Variants in HOXA3 observed in about 807,000 individuals in gnomAD.
HOXA3 encodes the protein homeobox A3, also known as homeobox protein Hox-A3.
A neutral mutation model predicts 30.3 loss-of-function variants in HOXA3; 8 were observed. The observed-to-expected ratio is 0.26, with a 90% CI of 0.15 to 0.48. The LOEUF (loss-of-function observed/expected upper bound fraction) is 0.48. Among genes scored for constraint, HOXA3 ranks in the 20% least tolerant of loss-of-function variants. The probability of loss-of-function intolerance (pLI) is 0.99; values close to 1 mark genes in which losing one functional copy is unlikely to be tolerated. For missense variants in HOXA3, 653 were observed against 614.4 expected (o/e 1.06, Z -0.66); for synonymous variants, 323 against 273.1 (o/e 1.18, Z -1.80).
intron 4 of HOXA3, among the ~76,000 whole-genome samples, chr7:27,115,181 A>G (rs1447785988): frequency 6.6e-6 from 1 of 151,942 alleles, no homozygotes; most frequent in Non-Finnish European, 1.5e-5. Context: ...GTCACCTTAG[A>G]GCAAAAACAA....
intron 4 of HOXA3, chr7:27,121,026 G>A (rs968594402): frequency 2.6e-5 from 4 of 152,256 alleles, no homozygotes; most frequent in Non-Finnish European, 4.4e-5. Flanking sequence ...AAGCTGGCTT[G>A]GAAAAAGCAG....
intron 1 of HOXA3, chr7:27,142,164 G>T: frequency 6.6e-7 from 1 of 1,504,138 alleles, no homozygotes; most frequent in Non-Finnish European, 8.9e-7. Context: ...TGGGTCATGA[G>T]CAGGGAACCC....
At chr7:27,122,774 A>G (rs1785083687) in intron 3 of HOXA3, 132 bp from the exon 4 acceptor site, 1 of 152,242 alleles carries the variant, frequency 6.6e-6, no homozygotes, top group South Asian at 2.1e-4. Flanking sequence ...GGGAGTCACC[A>G]GGGCACTCGT....
chr7:27,119,574 G>A (rs1179319660), intron 4 of HOXA3: 1 of 152,162 alleles, frequency 6.6e-6, no homozygotes, highest in East Asian at 1.9e-4. Context: ...GAACTTCTGA[G>A]AGTGCTCTGA....
At chr7:27,127,179 G>A (rs759104475) in intron 2 of HOXA3, 109 bp from the exon 3 acceptor site, 5 of 152,166 alleles carry the variant, frequency 3.3e-5, no homozygotes, top group Non-Finnish European at 7.4e-5. Context: ...TGTAGTAGGG[G>A]GAGGGTTAAT....
intron 4 of HOXA3, among the ~76,000 whole-genome samples, chr7:27,110,981 G>C (rs555323386): frequency 6.9e-6 from 1 of 144,960 alleles, no homozygotes; most frequent in African/African-American, 2.4e-5. Flanking sequence ...GGATTTTCCG[G>C]GGAGAAGGAG....
chr7:27,143,238 T>C (rs776457173), intron 1 of HOXA3: 1 of 1,609,488 alleles, frequency 6.2e-7, no homozygotes, highest in African/African-American at 1.3e-5. Context: ...CCGCTGGAGT[T>C]GCTTAGGGAG....
Position 27,107,887 on chromosome 7 carries a change from C to A in HOXA3, c.*28G>T. 4.5e-6 allele frequency: 6 copies of A among 1,344,368 alleles called. No homozygotes were observed. Among genetic ancestry groups the A allele is most frequent in the Non-Finnish European group, 6.1e-6 (6 of 986,110 alleles). The allele number at this position is 1,344,368 out of a possible 1,614,324, so 83.3% of individuals were successfully genotyped here. ...GAAAAAAGGTGGGTGGGGGGAGACT[C>A]TCCTGGCGCGTAGCCCCAAGCCCAC... On this transcript the variant is annotated 3_prime_UTR_variant, in exon 6 of 6. Coordinates refer to ENST00000612286, the MANE Select transcript of HOXA3 (RefSeq NM_153631.3).
chr7:27,126,361 G>T (rs913912173), intron 3 of HOXA3, among the ~76,000 whole-genome samples: 1 of 151,920 alleles, frequency 6.6e-6, no homozygotes, highest in African/African-American at 2.4e-5. Flanking sequence ...TATGTGTAAG[G>T]CTCATTTTGG....
intron 4 of HOXA3, chr7:27,116,587 G>C (rs973594220): frequency 3.9e-5 from 6 of 152,156 alleles, no homozygotes; most frequent in Admixed American, 6.5e-5. Context: ...ATGCTTTTAT[G>C]TAGAACCAGA....
intron 4 of HOXA3, among the ~76,000 whole-genome samples, chr7:27,119,147 A>ACCC (rs35394199): frequency 3.7e-5 from 4 of 107,192 alleles, no homozygotes; most frequent in African/African-American, 7.1e-5. Flanking sequence ...TCTGCAAGAG[A>ACCC]CCCCCCCCCC....
intron 4 of HOXA3, chr7:27,121,220 C>CATGTGT (rs1554337533): frequency 2.9e-5 from 4 of 137,846 alleles, no homozygotes; most frequent in Non-Finnish European, 6.2e-5. Context: ...CCACTGTGTG[C>CATGTGT]GTGTGTGTGT....
intron 1 of HOXA3, among the ~76,000 whole-genome samples, chr7:27,144,886 C>T (rs1279258266): frequency 6.6e-6 from 1 of 152,222 alleles, no homozygotes; most frequent in Non-Finnish European, 1.5e-5. Flanking sequence ...CCCTGGGCCC[C>T]TCGTTGGGTC....
intron 4 of HOXA3, among the ~76,000 whole-genome samples, chr7:27,114,182 C>A (rs1784547176): frequency 6.6e-6 from 1 of 151,692 alleles, no homozygotes; most frequent in Non-Finnish European, 1.5e-5. Context: ...GGAGGGCAGC[C>A]TCCCCCCACC....
rs3216926 is a variant in HOXA3, at chr7:27,152,469, A to AGGCCTGGCCT, written c.-685_-676dup. 3.5e-6 allele frequency: 4 copies of AGGCCTGGCCT among 1,141,036 alleles called. No individual in the cohort carries two copies. The highest frequency in any genetic ancestry group is 2.6e-4 in the Middle Eastern group (1 of 3,862). 70.7% of individuals were successfully genotyped at this position (1,141,036 alleles called of 1,614,324 possible). A position where few individuals can be genotyped will look rare whatever the true frequency, so the allele number is the denominator to read the frequency against. On this transcript the variant is annotated 5_prime_UTR_variant, in exon 1 of 6. It removes the in-frame stop codon of an upstream open reading frame in the 5' UTR. Coordinates refer to ENST00000612286, the MANE Select transcript of HOXA3 (RefSeq NM_153631.3). ...CGCCCAATCTCCAGCGGGAGCCGCC[A>AGGCCTGGCCT]GGCCTGGCCTGGCCGGGGCTTCCCT... is the stretch of plus-strand genomic sequence containing the variant.
intron 4 of HOXA3, chr7:27,116,644 T>C (rs1784741330): frequency 1.3e-5 from 2 of 152,186 alleles, no homozygotes; most frequent in Non-Finnish European, 2.9e-5. Flanking sequence ...GAAGCAACAA[T>C]AAAAAGATGC....
chr7:27,120,801 TTC>T (rs1784967872), intron 4 of HOXA3: 1 of 152,242 alleles, frequency 6.6e-6, no homozygotes, highest in African/African-American at 2.4e-5. Context: ...AAAAAACAGC[TTC>T]TCTATGAGAG....
At chr7:27,146,045 T>A in intron 1 of HOXA3, 1 of 1,082,626 alleles carries the variant, frequency 9.2e-7, no homozygotes, top group Non-Finnish European at 1.3e-6. Flanking sequence ...TCTCCCACTA[T>A]GTCTGGGGCC....
intron 2 of HOXA3, among the ~76,000 whole-genome samples, chr7:27,134,987 T>C (rs1224874886): frequency 6.6e-6 from 1 of 152,246 alleles, no homozygotes; most frequent in African/African-American, 2.4e-5. Flanking sequence ...AAGGGAAATA[T>C]GTCCTCTGGA....
Sources: gnomAD v4.1 joint callset for allele counts (sites outside exome capture counted in the v4.1 genomes callset) on GRCh38, gnomAD v4.1.1 for gene constraint, MANE v1.5 for transcripts, NCBI Gene and HGNC (gene_info 2026-07-23, HGNC 2026-07-21) for gene names.